INSC: variants seen among roughly 807,000 people sequenced by gnomAD.
The protein encoded by INSC is INSC spindle orientation adaptor protein.
INSC carries 67 observed loss-of-function variants against 58.6 expected under a neutral mutation model. The ratio of observed to expected loss-of-function variants is 1.14; its 90% CI spans 0.94 to 1.40. The LOEUF (loss-of-function observed/expected upper bound fraction) is 1.40, where lower values mean the gene tolerates loss of function less well. Among genes scored for constraint, INSC ranks in the 40% most tolerant of loss-of-function variants. The pLI is 0.00. For missense variants in INSC, 714 were observed against 692.0 expected (o/e 1.03, Z -0.36); for synonymous variants, 262 against 276.1 (o/e 0.95, Z 0.51).
At chr11:15,211,174 A>G (rs780320560) in intron 7 of INSC, among the ~76,000 whole-genome samples, 2 of 152,246 alleles carry the variant, frequency 1.3e-5, no homozygotes, top group Admixed American at 6.5e-5. Flanking sequence ...GGCTACTTCA[A>G]AAATACAAAC....
rs1242845300 is a variant in INSC at position 15,229,964 on chromosome 11, A to ATTT, written c.1170+4137_1170+4138insTTT. Reference sequence around the variant, plus strand: ...TATATAATATTATATATATATTTATATATATATATATATATTATATATATA... The same window carrying ATTT: ...TATATAATATTATATATATATTTATATTTTATATATATATATATTATATATATA... On this transcript the variant is annotated intron_variant, in intron 9 of 12. Coordinates refer to ENST00000379556, the MANE Select transcript of INSC (RefSeq NM_001042536.3). Among the ~76,000 whole-genome samples the ATTT allele has an allele frequency of 4.6e-3, 72 of 15,688 alleles. 2 individuals carry two copies. Among genetic ancestry groups the ATTT allele is most frequent in the African/African-American group, 0.018 (69 of 3,846 alleles). The allele number at this position is 15,688 out of a possible 152,430, so 10.3% of individuals were successfully genotyped here. A position where few individuals can be genotyped will look rare whatever the true frequency, so the allele number is the denominator to read the frequency against.
At chr11:15,152,106 G>T (rs1848672895) in intron 2 of INSC, among the ~76,000 whole-genome samples, 1 of 152,184 alleles carries the variant, frequency 6.6e-6, no homozygotes, top group Non-Finnish European at 1.5e-5. Flanking sequence ...CAAACAAGAG[G>T]TCATAGGTTG....
chr11:15,141,110 AG>A (rs1848360118), intron 1 of INSC, among the ~76,000 whole-genome samples: 1 of 152,012 alleles, frequency 6.6e-6, no homozygotes, highest in South Asian at 2.1e-4. Context: ...TATTACTACA[AG>A]GGGGTAATCT....
At chr11:15,148,552 C>T (rs1936703077) in intron 1 of INSC, among the ~76,000 whole-genome samples, 1 of 152,216 alleles carries the variant, frequency 6.6e-6, no homozygotes. Flanking sequence ...AGCCACATGC[C>T]TATTTCTGAA....
chr11:15,245,211 T>C (rs1358662887), intron 12 of INSC, among the ~76,000 whole-genome samples: 2 of 152,130 alleles, frequency 1.3e-5, no homozygotes, highest in Non-Finnish European at 2.9e-5. Flanking sequence ...ATGGACTGTC[T>C]CTGCTTCAGG....
chr11:15,166,753 G>C (rs990830334), intron 2 of INSC, among the ~76,000 whole-genome samples: 5 of 152,190 alleles, frequency 3.3e-5, no homozygotes, highest in African/African-American at 1.2e-4. Context: ...GCGCTGAGAT[G>C]AATCAAACAA....
At chr11:15,240,913 A>G (rs1945618) in intron 12 of INSC, among the ~76,000 whole-genome samples, 104,925 of 151,940 alleles carry the variant, frequency 0.69, 36,498 homozygotes, top group East Asian at 0.86. Context: ...AGTGAGAAAA[A>G]CCTCCACTTG....
intron 9 of INSC, among the ~76,000 whole-genome samples, chr11:15,234,967 C>A (rs887058686): frequency 5.3e-5 from 8 of 152,234 alleles, no homozygotes; most frequent in Non-Finnish European, 1.0e-4. Flanking sequence ...TACCCCATTT[C>A]CTACAGGCAG....
chr11:15,210,275 T>C (rs543853520), intron 7 of INSC, among the ~76,000 whole-genome samples: 2 of 152,126 alleles, frequency 1.3e-5, no homozygotes, highest in South Asian at 4.1e-4. Context: ...ATGGGATTCC[T>C]AGTTCTGCTG....
chr11:15,125,847 C>T (rs1405399942), intron 1 of INSC, among the ~76,000 whole-genome samples: 3 of 152,092 alleles, frequency 2.0e-5, no homozygotes, highest in Non-Finnish European at 4.4e-5. Flanking sequence ...ATGGTGTCAA[C>T]ACTTCAGTGT....
At chr11:15,196,812 C>T (rs1411928149) in intron 6 of INSC, among the ~76,000 whole-genome samples, 1 of 152,186 alleles carries the variant, frequency 6.6e-6, no homozygotes, top group Non-Finnish European at 1.5e-5. Context: ...GGATCTACCC[C>T]CATTTTCCAG....
At chr11:15,123,518 A>G (rs933694802) in intron 1 of INSC, among the ~76,000 whole-genome samples, 7 of 152,192 alleles carry the variant, frequency 4.6e-5, no homozygotes, top group Non-Finnish European at 1.5e-5. Context: ...TTTGAGGAGG[A>G]AAATGATCAT....
intron 6 of INSC, among the ~76,000 whole-genome samples, chr11:15,195,635 G>A (rs1167018244): frequency 6.6e-6 from 1 of 152,190 alleles, no homozygotes; most frequent in East Asian, 1.9e-4. Context: ...CCAAGATGAT[G>A]TTTGACCTCC....
intron 7 of INSC, among the ~76,000 whole-genome samples, chr11:15,207,567 A>AAG (rs1295873715): frequency 6.6e-6 from 1 of 151,988 alleles, no homozygotes. Context: ...GCTGGGCTGG[A>AAG]AGAGAGATGA....
At chr11:15,238,486 C>T (rs1422070509) in intron 10 of INSC, among the ~76,000 whole-genome samples, 2 of 152,124 alleles carry the variant, frequency 1.3e-5, no homozygotes, top group African/African-American at 4.8e-5. Context: ...TGTGATGCTA[C>T]ATCTGAATTT....
chr11:15,116,907 C>T (rs1157500562), intron 1 of INSC, among the ~76,000 whole-genome samples: 1 of 55,096 alleles, frequency 1.8e-5, no homozygotes, highest in East Asian at 5.8e-4. Context: ...CTCCCTCCCT[C>T]CCTCCCTCCC....
chr11:15,269,043 A>C, the INSC span, among the ~76,000 whole-genome samples: 1 of 152,054 alleles, frequency 6.6e-6, no homozygotes, highest in Non-Finnish European at 1.5e-5. Context: ...TTGAATCTGA[A>C]TTCCTTATGA....
chr11:15,262,983 C>G, the INSC span, among the ~76,000 whole-genome samples: 264 of 151,978 alleles, frequency 1.7e-3, 1 homozygote, highest in African/African-American at 6.2e-3. Context: ...AGTGAATTCA[C>G]AATATTTGCA....
chr11:15,247,328 T>TATTA (rs1261975275), downstream of INSC: 2 of 152,218 alleles, frequency 1.3e-5, no homozygotes, highest in Non-Finnish European at 2.9e-5. Flanking sequence ...TCATATATGT[T>TATTA]ATTACATATG....
Sources: allele counts gnomAD v4.1 joint callset (sites outside exome capture counted in the v4.1 genomes callset), GRCh38; gene constraint gnomAD v4.1.1; transcripts MANE v1.5; gene names NCBI Gene and HGNC (gene_info 2026-07-23, HGNC 2026-07-21).